The following TNFRSF13B variants were observed in gnomAD, a reference collection of about 807,000 sequenced individuals.
TNFRSF13B encodes tumor necrosis factor receptor superfamily member 13B.
Under a neutral mutation model 24.0 loss-of-function variants are expected in TNFRSF13B, and 34 were observed. The ratio of observed to expected loss-of-function variants is 1.41; its 90% CI spans 1.08 to 1.88. The LOEUF is 1.88. Among genes scored for constraint, TNFRSF13B ranks in the 40% most tolerant of loss-of-function variants. TNFRSF13B has a pLI of 0.00. For synonymous variants in TNFRSF13B, 173 were observed against 150.3 expected (o/e 1.15, Z -1.10); for missense variants, 415 against 380.8 (o/e 1.09, Z -0.75).
chr17:16,958,658 G>C (rs1042018463), intron 1 of TNFRSF13B, among the ~76,000 whole-genome samples: 1 of 151,950 alleles, frequency 6.6e-6, no homozygotes, highest in African/African-American at 2.4e-5. Flanking sequence ...AAGAGAGCTG[G>C]GGCAGCTATA....
intron 2 of TNFRSF13B, among the ~76,000 whole-genome samples, chr17:16,950,217 A>T (rs2087579396): frequency 6.6e-6 from 1 of 152,198 alleles, no homozygotes; most frequent in Non-Finnish European, 1.5e-5. Context: ...ACCAAATTTC[A>T]GTTGGGGCCA....
chr17:16,948,329 C>A (rs563673713), intron 3 of TNFRSF13B, among the ~76,000 whole-genome samples: 2 of 151,920 alleles, frequency 1.3e-5, no homozygotes, highest in Admixed American at 6.5e-5. Context: ...CATGTACCCC[C>A]GGATCTAAAA....
chr17:16,968,585 G>A (rs1009530171), intron 1 of TNFRSF13B, among the ~76,000 whole-genome samples: 1 of 152,208 alleles, frequency 6.6e-6, no homozygotes, highest in East Asian at 1.9e-4. Context: ...AGACTTACAT[G>A]TAAGAGCTAA....
intron 2 of TNFRSF13B, among the ~76,000 whole-genome samples, chr17:16,950,558 GCCCT>G (rs2143659475): frequency 6.6e-6 from 1 of 152,278 alleles, no homozygotes; most frequent in South Asian, 2.1e-4. Context: ...CTCTGGCCCT[GCCCT>G]ATCCCCAGGG....
At chr17:16,948,609 G>T in intron 3 of TNFRSF13B, 129 bp downstream of exon 3, 1 of 1,310,468 alleles carries the variant, frequency 7.6e-7, no homozygotes, top group Non-Finnish European at 1.1e-6. Flanking sequence ...TGATCTCCCT[G>T]GCTTCTGGCC....
intron 3 of TNFRSF13B, among the ~76,000 whole-genome samples, chr17:16,946,555 TTTTA>T (rs1470553406): frequency 9.3e-5 from 14 of 149,826 alleles, no homozygotes; most frequent in Non-Finnish European, 1.9e-4. Flanking sequence ...TTTACTTATT[TTTTA>T]TTATTTTTAT....
At chr17:16,946,518 T>C (rs1321297353) in intron 3 of TNFRSF13B, among the ~76,000 whole-genome samples, 3 of 152,140 alleles carry the variant, frequency 2.0e-5, no homozygotes, top group African/African-American at 7.2e-5. Flanking sequence ...AAAGTGGCCA[T>C]CTCCAGCCAT....
chr17:16,956,773 T>C (rs2087627789), intron 1 of TNFRSF13B, among the ~76,000 whole-genome samples: 1 of 152,246 alleles, frequency 6.6e-6, no homozygotes, highest in Non-Finnish European at 1.5e-5. Context: ...AAAAGTCTAC[T>C]GTATGATTTC....
chr17:16,964,399 G>A (rs983491643), intron 1 of TNFRSF13B, among the ~76,000 whole-genome samples: 1 of 142,544 alleles, frequency 7.0e-6, no homozygotes, highest in Non-Finnish European at 1.5e-5. Context: ...CTGGAGTGCA[G>A]TGGTGAGATC....
At chr17:16,943,434 A>T (rs2087525477) in intron 3 of TNFRSF13B, among the ~76,000 whole-genome samples, 4 of 152,150 alleles carry the variant, frequency 2.6e-5, no homozygotes, top group Admixed American at 2.6e-4. Flanking sequence ...GGCTGATCAC[A>T]TGCCAGCACC....
At chr17:16,951,371 CA>C (rs1185454896) in intron 2 of TNFRSF13B, among the ~76,000 whole-genome samples, 7 of 152,126 alleles carry the variant, frequency 4.6e-5, no homozygotes, top group African/African-American at 1.7e-4. Flanking sequence ...AACAAAACAG[CA>C]AATTGTGGTA....
At chr17:16,954,050 C>G (rs1472680510) in intron 1 of TNFRSF13B, among the ~76,000 whole-genome samples, 2 of 152,236 alleles carry the variant, frequency 1.3e-5, no homozygotes, top group Non-Finnish European at 2.9e-5. Context: ...TAGGCATGAG[C>G]CACCACGCCC....
intron 3 of TNFRSF13B, chr17:16,940,853 T>C (rs1214540748): frequency 4.1e-6 from 5 of 1,221,368 alleles, no homozygotes; most frequent in East Asian, 4.6e-5. Flanking sequence ...GGAGCATGTC[T>C]CTGTGCATCC....
chr17:16,953,124 T>C (rs112738636), intron 1 of TNFRSF13B, among the ~76,000 whole-genome samples: 1 of 152,220 alleles, frequency 6.6e-6, no homozygotes, highest in Non-Finnish European at 1.5e-5. Flanking sequence ...TGTGGTTATT[T>C]GATGCTGGCT....
At chr17:16,970,773 C>A (rs1597671565) in intron 1 of TNFRSF13B, among the ~76,000 whole-genome samples, 1 of 152,190 alleles carries the variant, frequency 6.6e-6, no homozygotes, top group Non-Finnish European at 1.5e-5. Context: ...GAGCACTGGG[C>A]AATTTCATCC....
At chr17:16,965,190 T>C (rs1001013016) in intron 1 of TNFRSF13B, among the ~76,000 whole-genome samples, 1 of 152,142 alleles carries the variant, frequency 6.6e-6, no homozygotes, top group Non-Finnish European at 1.5e-5. Context: ...CACTGCAGCC[T>C]TGAACTCCTG....
intron 3 of TNFRSF13B, among the ~76,000 whole-genome samples, chr17:16,946,170 A>G (rs1244250775): frequency 6.6e-6 from 1 of 152,244 alleles, no homozygotes; most frequent in African/African-American, 2.4e-5. Flanking sequence ...AGCAGGGACA[A>G]CAGGGTGCTG....
intron 1 of TNFRSF13B, among the ~76,000 whole-genome samples, chr17:16,957,920 T>C (rs1163290467): frequency 6.6e-6 from 1 of 152,076 alleles, no homozygotes; most frequent in African/African-American, 2.4e-5. Flanking sequence ...AAAAGTGAAG[T>C]AAATATAAAG....
intron 3 of TNFRSF13B, among the ~76,000 whole-genome samples, chr17:16,944,120 G>A (rs2087530944): frequency 6.6e-6 from 1 of 152,096 alleles, no homozygotes; most frequent in African/African-American, 2.4e-5. Flanking sequence ...TCTGGGGTGG[G>A]GTCCCTCCTG....
Sources: gnomAD v4.1 joint callset for allele counts (sites outside exome capture counted in the v4.1 genomes callset) on GRCh38, gnomAD v4.1.1 for gene constraint, MANE v1.5 for transcripts, NCBI Gene and HGNC (gene_info 2026-07-23, HGNC 2026-07-21) for gene names.